Variants in HPS4 observed in about 807,000 individuals in gnomAD.
HPS4 encodes HPS4 biogenesis of lysosomal organelles complex 3 subunit 2.
HPS4 carries 44 observed loss-of-function variants against 70.3 expected under a neutral mutation model. The observed-to-expected ratio is 0.63, with a 90% CI of 0.49 to 0.80. The LOEUF is 0.80. Among genes scored for constraint, HPS4 ranks in the 30% least tolerant of loss-of-function variants. The pLI is 0.00. For missense variants in HPS4, 873 were observed against 884.4 expected (o/e 0.99, Z 0.16); for synonymous variants, 377 against 355.9 (o/e 1.06, Z -0.67).
At chr22:26,464,909 A>G (rs1286001921) in intron 10 of HPS4, 83 bp from the exon 11 acceptor site, 10 of 1,324,504 alleles carry the variant, frequency 7.5e-6, no homozygotes, top group Non-Finnish European at 1.0e-5. Flanking sequence ...ACTAAAGCAC[A>G]GGCATCAAGG....
In HPS4 at chr22:26,453,392, C is replaced by T. The variant is rs761967529; in HGVS notation, c.1968G>A (p.Thr656=). 8.1e-6 allele frequency: 13 copies of T among 1,613,888 alleles called. No homozygotes were observed. The Admixed American group carries it at 1.3e-4, about 17-fold the overall frequency. Residue 656 remains threonine, a synonymous_variant, in exon 14 of 14, where the codon ACG becomes ACA. Coordinates refer to ENST00000398145, the MANE Select transcript of HPS4 (RefSeq NM_022081.6). ...LYEMTVRNAS[T]AVYACCNPIQ... Reference sequence around the variant, plus strand: ...TGGGGTTGCAACAGGCGTACACAGCCGTGGAGGCATTTCTGTTGGAGGAAG... The same window carrying T: ...TGGGGTTGCAACAGGCGTACACAGCTGTGGAGGCATTTCTGTTGGAGGAAG...
downstream of HPS4, among the ~76,000 whole-genome samples, chr22:26,448,345 T>G (rs1279229266): frequency 6.6e-6 from 1 of 152,254 alleles, no homozygotes; most frequent in Non-Finnish European, 1.5e-5. Context: ...CAACTTGCCC[T>G]GATTTCCAGC....
chr22:26,462,727 T>C (rs887494169), intron 11 of HPS4, among the ~76,000 whole-genome samples: 9 of 152,154 alleles, frequency 5.9e-5, no homozygotes, highest in East Asian at 3.8e-4. Context: ...AACCAAGGCA[T>C]TGGCAGGGAG....
chr22:26,476,970 A>C (rs199523733), intron 4 of HPS4, 23 bp downstream of exon 4: 65 of 1,613,248 alleles, frequency 4.0e-5, no homozygotes, highest in Non-Finnish European at 4.8e-5. Flanking sequence ...ACACTTCAGC[A>C]CTGATTCTGC....
At chr22:26,443,207 G>C, downstream of HPS4, 1 of 1,613,718 alleles carries the variant, frequency 6.2e-7, no homozygotes, top group Non-Finnish European at 8.5e-7. Context: ...GGGACGATGA[G>C]AGTATTTCCC....
chr22:26,483,232 C>T (rs768008960), intron 1 of HPS4, among the ~76,000 whole-genome samples: 9 of 152,150 alleles, frequency 5.9e-5, no homozygotes, highest in Non-Finnish European at 1.2e-4. Context: ...CCTAAAACTC[C>T]CCATCCCTTG....
At position 26,482,008 on chromosome 22, in the gene HPS4, T is replaced by G. The variant is rs1331554500; in HGVS notation, c.-246A>C. On this transcript the variant is annotated 5_prime_UTR_variant, in exon 2 of 14. Coordinates refer to ENST00000398145, the MANE Select transcript of HPS4 (RefSeq NM_022081.6). Reference sequence around the variant, plus strand: ...TGCCTCTTACAACTCAGGGAGAAACTATAACAGAGAATCCTAGCAGAAAAG... The same window carrying G: ...TGCCTCTTACAACTCAGGGAGAAACGATAACAGAGAATCCTAGCAGAAAAG... 1.3e-5 allele frequency: 7 copies of G among 537,752 alleles called. No homozygotes were observed. The highest frequency in any genetic ancestry group is 2.3e-5 in the Non-Finnish European group (7 of 298,232). 33.3% of individuals were successfully genotyped at this position (537,752 alleles called of 1,614,324 possible).
At position 26,481,994 on chromosome 22, in the gene HPS4, A is replaced by C; in HGVS notation, c.-232T>G. On this transcript the variant is annotated 5_prime_UTR_variant, in exon 2 of 14. Coordinates refer to ENST00000398145, the MANE Select transcript of HPS4 (RefSeq NM_022081.6). ...CATGTATATTTCCATGCCTCTTACA[A>C]CTCAGGGAGAAACTATAACAGAGAA... The C allele has an allele frequency of 1.8e-6, 1 of 550,114 alleles. No homozygotes were observed. 34.1% of individuals were successfully genotyped at this position (550,114 alleles called of 1,614,324 possible). A position where few individuals can be genotyped will look rare whatever the true frequency, so the allele number is the denominator to read the frequency against.
intron 2 of HPS4, among the ~76,000 whole-genome samples, chr22:26,481,300 G>A (rs2091262858): frequency 6.6e-6 from 1 of 152,124 alleles, no homozygotes; most frequent in South Asian, 2.1e-4. Flanking sequence ...AACGCATTTA[G>A]GGTTGAGAAG....
At chr22:26,466,311 C>T in intron 8 of HPS4, 49 bp from the exon 9 acceptor site, 2 of 1,602,188 alleles carry the variant, frequency 1.2e-6, no homozygotes, top group African/African-American at 1.3e-5. Context: ...ACATTCTCCT[C>T]TTGACCTAAC....
intron 7 of HPS4, among the ~76,000 whole-genome samples, chr22:26,469,711 AT>A (rs1237742949): frequency 0.012 from 75 of 6,152 alleles, no homozygotes; most frequent in South Asian, 0.078. Context: ...AGAAAAAAAA[AT>A]ATATATATAT....
chr22:26,469,763 ACT>A (rs1279520515), intron 7 of HPS4, among the ~76,000 whole-genome samples: 1 of 151,974 alleles, frequency 6.6e-6, no homozygotes, highest in Non-Finnish European at 1.5e-5. Flanking sequence ...GAAAAAAAAT[ACT>A]GTCTTTGGTG....
chr22:26,476,296 T>C (rs939962359), intron 4 of HPS4: 2 of 151,894 alleles, frequency 1.3e-5, no homozygotes, highest in Admixed American at 6.6e-5. Context: ...AATGTAGCCA[T>C]GGGAAACAGC....
At chr22:26,453,610 T>C (rs2085566236) in intron 13 of HPS4, 2 of 628,522 alleles carry the variant, frequency 3.2e-6, no homozygotes, top group African/African-American at 3.6e-5. Flanking sequence ...GCTCACTAGA[T>C]GCTGGAAGAG....
downstream of HPS4, chr22:26,443,588 TATA>T (rs1242723550): frequency 6.7e-6 from 1 of 149,108 alleles, no homozygotes; most frequent in Non-Finnish European, 1.5e-5. Flanking sequence ...TTTGTCTGAA[TATA>T]ATAATGTAAA....
intron 3 of HPS4, among the ~76,000 whole-genome samples, chr22:26,478,755 G>A (rs1274666990): frequency 2.3e-5 from 1 of 44,090 alleles, no homozygotes; most frequent in East Asian, 7.2e-4. Context: ...CGCAGTCTCT[G>A]CTCACTGCAA....
At chr22:26,456,116 T>A (rs1043377147) in intron 13 of HPS4, among the ~76,000 whole-genome samples, 3 of 152,200 alleles carry the variant, frequency 2.0e-5, no homozygotes, top group Non-Finnish European at 1.5e-5. Context: ...CGCTCAAGTG[T>A]GGCGGGTGAC....
intron 11 of HPS4, 81 bp downstream of exon 11, chr22:26,463,836 G>C (rs2087839780): frequency 7.0e-7 from 1 of 1,429,388 alleles, no homozygotes; most frequent in Non-Finnish European, 9.8e-7. Flanking sequence ...TCTTCCCTGG[G>C]TGTTGGCACA....
chr22:26,445,676 A>C (rs1262729634), intron 3 of HPS4, among the ~76,000 whole-genome samples: 3 of 152,208 alleles, frequency 2.0e-5, no homozygotes. Context: ...AGTATCTGGC[A>C]CATGAAGGGC....
Sources: gnomAD v4.1 joint callset for allele counts (sites outside exome capture counted in the v4.1 genomes callset) on GRCh38, gnomAD v4.1.1 for gene constraint, MANE v1.5 for transcripts, NCBI Gene and HGNC (gene_info 2026-07-23, HGNC 2026-07-21) for gene names.